The following NCALD variants were observed in gnomAD, a reference collection of about 807,000 sequenced individuals.
NCALD encodes neurocalcin-delta.
A neutral mutation model predicts 18.6 loss-of-function variants in NCALD; 10 were observed. The ratio of observed to expected loss-of-function variants is 0.54; its 90% CI spans 0.33 to 0.91. The LOEUF (loss-of-function observed/expected upper bound fraction) is 0.91, where lower values mean the gene tolerates loss of function less well. Ranked by LOEUF, NCALD falls within the 40% of genes least tolerant of loss-of-function variation. NCALD has a pLI of 0.03. For synonymous variants in NCALD, 88 were observed against 87.4 expected, an observed-to-expected ratio of 1.01 and a Z score of -0.04; for missense variants, 184 against 247.6, an observed-to-expected ratio of 0.74 and a Z score of 1.72.
At chr8:101,987,552 T>C (rs1277475969) in intron 2 of NCALD, among the ~76,000 whole-genome samples, 1 of 152,162 alleles carries the variant, frequency 6.6e-6, no homozygotes, top group Non-Finnish European at 1.5e-5. Flanking sequence ...AGCCAATGCA[T>C]GAAAAACAAA....
intron 2 of NCALD, among the ~76,000 whole-genome samples, chr8:101,704,669 C>A (rs1017983220): frequency 1.3e-5 from 2 of 152,020 alleles, no homozygotes; most frequent in African/African-American, 2.4e-5. Flanking sequence ...GTAATCCCAG[C>A]ACTTTGGGAG....
intron 1 of NCALD, among the ~76,000 whole-genome samples, chr8:102,034,422 A>C (rs1822790641): frequency 6.6e-6 from 1 of 152,186 alleles, no homozygotes. Context: ...TGCTTTATCA[A>C]GTTTATATAT....
chr8:102,075,193 C>T (rs932185577), intron 1 of NCALD, among the ~76,000 whole-genome samples: 2 of 152,106 alleles, frequency 1.3e-5, no homozygotes, highest in Non-Finnish European at 2.9e-5. Flanking sequence ...GAACATATAA[C>T]AAGTAGACAA....
chr8:101,752,254 A>G (rs947301823), intron 1 of NCALD, among the ~76,000 whole-genome samples: 1 of 152,180 alleles, frequency 6.6e-6, no homozygotes. Flanking sequence ...CTGCTTCTTT[A>G]TTTCTAATAA....
chr8:101,933,153 G>A (rs1818639728), intron 2 of NCALD, among the ~76,000 whole-genome samples: 1 of 152,180 alleles, frequency 6.6e-6, no homozygotes, highest in Admixed American at 6.5e-5. Flanking sequence ...GCTGAATAAT[G>A]GCCTTTCAAA....
intron 2 of NCALD, among the ~76,000 whole-genome samples, chr8:101,960,997 C>T (rs985556313): frequency 1.3e-5 from 2 of 152,090 alleles, no homozygotes; most frequent in African/African-American, 4.8e-5. Flanking sequence ...TCATTTTCAC[C>T]ATAGCACTCA....
At chr8:101,929,839 T>C (rs1361370820) in intron 2 of NCALD, among the ~76,000 whole-genome samples, 1 of 151,848 alleles carries the variant, frequency 6.6e-6, no homozygotes, top group Admixed American at 6.6e-5. Context: ...TGAGGTCAGG[T>C]GTTCGAGACC....
chr8:101,735,087 GAGGATGGATGTTGGGGTGGAA>G (rs891562144), intron 1 of NCALD, among the ~76,000 whole-genome samples: 2 of 152,300 alleles, frequency 1.3e-5, no homozygotes, highest in Non-Finnish European at 2.9e-5. Context: ...AGGTAGATGG[GAGGATGGATGTTGGGGTGGAA>G]AGCAGGATAA....
chr8:101,914,804 G>C (rs1314658195), intron 3 of NCALD, among the ~76,000 whole-genome samples: 4 of 152,028 alleles, frequency 2.6e-5, no homozygotes, highest in Admixed American at 1.3e-4. Flanking sequence ...AGATGCTCCA[G>C]GCTCATCTTG....
chr8:102,007,720 A>G (rs1339056732), intron 2 of NCALD, among the ~76,000 whole-genome samples: 1 of 152,242 alleles, frequency 6.6e-6, no homozygotes, highest in East Asian at 1.9e-4. Context: ...AACAAAGACA[A>G]TGACACTAGA....
chr8:102,080,949 T>C (rs2132331448), intron 1 of NCALD, among the ~76,000 whole-genome samples: 1 of 152,312 alleles, frequency 6.6e-6, no homozygotes, highest in East Asian at 1.9e-4. Flanking sequence ...GGAAACTTTT[T>C]GTTTGGTTGG....
intron 2 of NCALD, among the ~76,000 whole-genome samples, chr8:101,705,404 G>A (rs1419342381): frequency 1.3e-5 from 2 of 152,106 alleles, no homozygotes; most frequent in African/African-American, 4.8e-5. Context: ...GGACCTGATC[G>A]GAGGCAGGAA....
At chr8:101,958,842 A>G (rs1409181394) in intron 2 of NCALD, among the ~76,000 whole-genome samples, 3 of 152,082 alleles carry the variant, frequency 2.0e-5, no homozygotes, top group African/African-American at 7.2e-5. Context: ...GCCCACTTTT[A>G]TTTTATATTT....
At chr8:101,696,124 G>A (rs780106238) in intron 2 of NCALD, among the ~76,000 whole-genome samples, 1 of 152,094 alleles carries the variant, frequency 6.6e-6, no homozygotes, top group Non-Finnish European at 1.5e-5. Context: ...AGAGGTTTGG[G>A]TATTTAGAAG....
chr8:102,112,229 G>A (rs1206727197), intron 1 of NCALD, among the ~76,000 whole-genome samples: 1 of 152,116 alleles, frequency 6.6e-6, no homozygotes. Flanking sequence ...CCTTGCATGT[G>A]TTATTCTACT....
At position 101,697,324 on chromosome 8, in the gene NCALD, G is replaced by T. The variant is rs1815045299; in HGVS notation, c.379-4428C>A. The stretch of plus-strand genomic sequence containing the variant: ...ATTAATAGCCTACCAACCTAAAAAA[G>T]CCCAGGACCAGATGGATTCACAGCC... On this transcript the variant is annotated intron_variant, in intron 2 of 3. Coordinates refer to ENST00000220931, the MANE Select transcript of NCALD (RefSeq NM_032041.3). Among the ~76,000 whole-genome samples the T allele has an allele frequency of 2.0e-5, 3 of 152,112 alleles. No individual in the cohort carries two copies. In the South Asian group the frequency reaches 6.2e-4, roughly 31 times the overall value.
At chr8:101,902,285 T>TAC (rs1563878808) in intron 3 of NCALD, among the ~76,000 whole-genome samples, 1 of 148,420 alleles carries the variant, frequency 6.7e-6, no homozygotes, top group African/African-American at 2.6e-5. Flanking sequence ...TTTTTTTTTT[T>TAC]TTTTTTAACT....
At chr8:101,699,466 G>A (rs1815157662) in intron 2 of NCALD, among the ~76,000 whole-genome samples, 1 of 152,186 alleles carries the variant, frequency 6.6e-6, no homozygotes, top group Non-Finnish European at 1.5e-5. Flanking sequence ...GCACATGTAT[G>A]TTTATTGCAG....
intron 3 of NCALD, among the ~76,000 whole-genome samples, chr8:101,888,912 G>T (rs924100816): frequency 6.6e-6 from 1 of 152,126 alleles, no homozygotes; most frequent in African/African-American, 2.4e-5. Flanking sequence ...ATTGCCAGTT[G>T]CCTATCCAAT....
Sources: allele counts gnomAD v4.1 joint callset (sites outside exome capture counted in the v4.1 genomes callset), GRCh38; gene constraint gnomAD v4.1.1; transcripts MANE v1.5; gene names NCBI Gene and HGNC (gene_info 2026-07-23, HGNC 2026-07-21).